The following PGS1 variants were observed in gnomAD, a reference collection of about 807,000 sequenced individuals.
PGS1 encodes the protein CDP-diacylglycerol--glycerol-3-phosphate 3-phosphatidyltransferase, mitochondrial.
In PGS1, 44 loss-of-function variants were observed where a neutral mutation model predicts 58.3. The observed-to-expected ratio is 0.75, with a 90% CI of 0.59 to 0.97. PGS1 has a LOEUF of 0.97. PGS1 is among the 50% of genes least tolerant of loss of function. The pLI is 0.00. For missense variants in PGS1, 684 were observed against 731.1 expected (o/e 0.94, Z 0.74); for synonymous variants, 330 against 311.0 (o/e 1.06, Z -0.64).
In PGS1 at chr17:78,378,673, T is replaced by TGGCGGCGGCAGCTGC. The variant is rs2081804713; in HGVS notation, c.14_28dup (p.Ala5_Ala9dup). 3 of 1,533,682 alleles carry TGGCGGCGGCAGCTGC rather than the reference T, an allele frequency of 2.0e-6. No homozygotes were observed. Among genetic ancestry groups the TGGCGGCGGCAGCTGC allele is most frequent in the African/African-American group, 1.4e-5 (1 of 70,112 alleles). On this transcript the variant is annotated inframe_insertion, in exon 1 of 10. Transcript: ENST00000262764. ...CGGAAGCGGCGAGTCTCCATGGCGG[T>TGGCGGCGGCAGCTGC]GGCGGCGGCAGCTGCGGCGGGACCC...
chr17:78,422,089 G>A (rs2085852779), intron 9 of PGS1, among the ~76,000 whole-genome samples: 1 of 152,190 alleles, frequency 6.6e-6, no homozygotes, highest in African/African-American at 2.4e-5. Context: ...CTTATTTCAG[G>A]ATCTAAAGGC....
chr17:78,400,879 T>C lies in PGS1; in HGVS notation c.880+24T>C. 1 of 1,556,542 alleles carries C rather than the reference T, an allele frequency of 6.4e-7. No individual in the cohort carries two copies. The highest frequency in any genetic ancestry group is 8.7e-7 in the Non-Finnish European group (1 of 1,146,394). Reference sequence around the variant, plus strand: ...AGGTAGGGGCTGCCGCTGACACCCTTCTATGGCTGTGGGTGGGGTGGAGTG... The same window carrying C: ...AGGTAGGGGCTGCCGCTGACACCCTCCTATGGCTGTGGGTGGGGTGGAGTG... On this transcript the variant is annotated intron_variant, in intron 6 of 9. Transcript: ENST00000262764. The surrounding 1 kb of genome is among the most constrained non-coding windows in gnomAD (Gnocchi z 4.4).
In PGS1 at chr17:78,396,377, C is replaced by A; in HGVS notation, c.403C>A (p.Gln135Lys). The A allele has an allele frequency of 6.2e-7, 1 of 1,610,594 alleles. No homozygotes were observed. The highest frequency in any genetic ancestry group is 8.5e-7 in the Non-Finnish European group (1 of 1,177,834). Residue 135 changes from glutamine to lysine, a missense_variant, in exon 3 of 10, where the codon CAG becomes AAG. Gln to Lys is a moderately conservative substitution (Grantham distance 53, BLOSUM62 1). Transcript: ENST00000262764. ...CTACCTGGGGACAGGTCCTTTGGAA[C>A]AGGAGCTGGTAAGGTTTATGGGGAG... is the stretch of plus-strand genomic sequence containing the variant. Reference protein sequence around the residue: ...SLYLGTGPLEQELVDCLESTL... With the variant: ...SLYLGTGPLEKELVDCLESTL...
At chr17:78,397,592 C>CCCCG (rs2083332423) in intron 3 of PGS1, among the ~76,000 whole-genome samples, 1 of 130,290 alleles carries the variant, frequency 7.7e-6, no homozygotes, top group African/African-American at 2.6e-5. Flanking sequence ...ATGCGCCACC[C>CCCCG]CCCCAGCTAA....
At chr17:78,383,388 A>T (rs1598222240) in intron 1 of PGS1, among the ~76,000 whole-genome samples, 1 of 151,850 alleles carries the variant, frequency 6.6e-6, no homozygotes, top group African/African-American at 2.4e-5. Flanking sequence ...CACCACGCCC[A>T]TCTAATTTTG....
intron 7 of PGS1, among the ~76,000 whole-genome samples, chr17:78,414,201 G>A (rs2084971062): frequency 6.6e-6 from 1 of 152,196 alleles, no homozygotes; most frequent in Non-Finnish European, 1.5e-5. Context: ...ATGTTCCTCA[G>A]TCAGAAGGGC....
In PGS1 at chr17:78,419,537, C is replaced by T. The variant is rs766492143; in HGVS notation, c.1552-9C>T. On this transcript the variant is annotated splice_polypyrimidine_tract_variant and intron_variant, in intron 8 of 9. Coordinates refer to ENST00000262764, the MANE Select transcript of PGS1 (RefSeq NM_024419.5). ...CTCCTCACTATTCCTGTCTGTTCCT[C>T]TTCCTCAGGAGCAAGAGCAGCTCTA... The T allele has an allele frequency of 1.5e-5, 24 of 1,612,994 alleles. No individual in the cohort carries two copies. The African/African-American group carries it at 3.1e-4, about 21-fold the overall frequency.
At chr17:78,387,818 G>A (rs984203650) in intron 1 of PGS1, among the ~76,000 whole-genome samples, 2 of 151,864 alleles carry the variant, frequency 1.3e-5, no homozygotes, top group East Asian at 3.9e-4. Context: ...AGTTGGTCTC[G>A]ATCTCCTGGC....
Position 78,424,121 on chromosome 17 carries a change from C to A in PGS1, c.*71C>A, listed in dbSNP as rs369633444. The A allele has an allele frequency of 6.2e-7, 1 of 1,613,332 alleles. No individual in the cohort carries two copies. The highest frequency in any genetic ancestry group is 1.1e-5 in the South Asian group (1 of 91,074). On this transcript the variant is annotated 3_prime_UTR_variant, in exon 10 of 10. Transcript: ENST00000262764. ...GTCAGCTCTTTCAGCCGCGCTTCAG[C>A]GATGACTCCAGTCTGGGTGTCCCAG...
chr17:78,386,042 C>T (rs2082361191), intron 1 of PGS1, among the ~76,000 whole-genome samples: 1 of 152,162 alleles, frequency 6.6e-6, no homozygotes, highest in South Asian at 2.1e-4. Flanking sequence ...GTCAGGGGTC[C>T]TCAGCACTTA....
intron 1 of PGS1, among the ~76,000 whole-genome samples, chr17:78,380,173 G>T (rs560807721): frequency 1.7e-4 from 26 of 152,016 alleles, no homozygotes; most frequent in African/African-American, 6.0e-4. Flanking sequence ...GCTGCAAATA[G>T]GTTTCTTAAT....
At chr17:78,416,077 C>G (rs556384394) in intron 8 of PGS1, among the ~76,000 whole-genome samples, 2 of 152,306 alleles carry the variant, frequency 1.3e-5, no homozygotes, top group South Asian at 2.1e-4. Context: ...CTCCTGCAGC[C>G]TGGGAATCTT....
At chr17:78,395,742 A>G (rs902948840) in intron 2 of PGS1, among the ~76,000 whole-genome samples, 1 of 152,180 alleles carries the variant, frequency 6.6e-6, no homozygotes, top group Admixed American at 6.5e-5. Context: ...GGTAGAAGGT[A>G]AAGAGGGCAG....
intron 1 of PGS1, 123 bp from the exon 2 acceptor site, chr17:78,392,353 T>G: frequency 1.6e-6 from 1 of 613,478 alleles, no homozygotes; most frequent in Non-Finnish European, 2.8e-6. Flanking sequence ...AAATCTGACA[T>G]TCATAACACA....
rs1382698815 is a variant in PGS1, at chr17:78,385,511, G to A, written c.143+6703G>A. Reference sequence around the variant, plus strand: ...TCACCATGTTAGCCAGGATGGTCTCGATCTCCTGACGTCGTGATCCGCCTG... The same window carrying A: ...TCACCATGTTAGCCAGGATGGTCTCAATCTCCTGACGTCGTGATCCGCCTG... On this transcript the variant is annotated intron_variant, in intron 1 of 9. Transcript: ENST00000262764. Among the ~76,000 whole-genome samples the A allele has an allele frequency of 3.3e-5, 5 of 152,300 alleles. No individual in the cohort carries two copies. The East Asian group carries it at 7.7e-4, about 24-fold the overall frequency.
chr17:78,424,373 T>A lies in PGS1; in HGVS notation c.*323T>A. 1 of 519,518 alleles carries A rather than the reference T, an allele frequency of 1.9e-6. No individual in the cohort carries two copies. The highest frequency in any genetic ancestry group is 3.4e-6 in the Non-Finnish European group (1 of 296,962). 32.2% of individuals were successfully genotyped at this position (519,518 alleles called of 1,614,324 possible). Reference sequence around the variant, plus strand: ...CGCTGGGCTCAAGGAACAGCTCAGCTAAAGCCCTCGGGTTCCATCCGTTTA... The same window carrying A: ...CGCTGGGCTCAAGGAACAGCTCAGCAAAAGCCCTCGGGTTCCATCCGTTTA... On this transcript the variant is annotated 3_prime_UTR_variant, in exon 10 of 10. Transcript: ENST00000262764.
chr17:78,415,909 A>C (rs1456307083), intron 8 of PGS1, among the ~76,000 whole-genome samples: 1 of 152,194 alleles, frequency 6.6e-6, no homozygotes, highest in Non-Finnish European at 1.5e-5. Context: ...ATTCCTGGAG[A>C]TGCAGATAAC....
intron 7 of PGS1, among the ~76,000 whole-genome samples, chr17:78,413,093 G>A (rs1248149826): frequency 3.9e-5 from 6 of 152,244 alleles, no homozygotes; most frequent in African/African-American, 7.2e-5. Flanking sequence ...CGGCCTGCAC[G>A]GCCAGTGGCC....
Position 78,396,389 on chromosome 17 carries a change from A to G in PGS1, c.411+4A>G. On this transcript the variant is annotated splice_donor_region_variant and intron_variant, in intron 3 of 9. Coordinates refer to ENST00000262764, the MANE Select transcript of PGS1 (RefSeq NM_024419.5). ...AGGTCCTTTGGAACAGGAGCTGGTAAGGTTTATGGGGAGATGGTTGTGGCA... is the reference window on the plus strand; with the variant it reads ...AGGTCCTTTGGAACAGGAGCTGGTAGGGTTTATGGGGAGATGGTTGTGGCA... 1 of 1,604,508 alleles carries G rather than the reference A, an allele frequency of 6.2e-7. No individual in the cohort carries two copies. The highest frequency in any genetic ancestry group is 8.5e-7 in the Non-Finnish European group (1 of 1,173,704).
Sources: gnomAD v4.1 joint callset for allele counts (sites outside exome capture counted in the v4.1 genomes callset) on GRCh38, gnomAD v4.1.1 for gene constraint, Gnocchi (gnomAD v3.1) non-coding constraint, MANE v1.5 for transcripts, NCBI Gene and HGNC (gene_info 2026-07-23, HGNC 2026-07-21) for gene names.